NOC3L: variants seen among roughly 807,000 people sequenced by gnomAD.
NOC3L encodes nucleolar complex protein 3 homolog.
A neutral mutation model predicts 102.5 loss-of-function variants in NOC3L; 85 were observed. The ratio of observed to expected loss-of-function variants is 0.83; its 90% CI spans 0.70 to 0.99. The LOEUF is 0.99. NOC3L is among the 50% of genes least tolerant of loss of function. The probability of loss-of-function intolerance (pLI) is 0.00; values close to 1 mark genes in which losing one functional copy is unlikely to be tolerated. For missense variants in NOC3L, 878 were observed against 914.9 expected (o/e 0.96, Z 0.52); for synonymous variants, 303 against 309.4 (o/e 0.98, Z 0.22).
At position 94,362,896 on chromosome 10, in the gene NOC3L, G is replaced by C. The variant is rs2054568103; in HGVS notation, c.-58C>G. 3 of 1,613,636 alleles carry C rather than the reference G, an allele frequency of 1.9e-6. No homozygotes were observed. Among genetic ancestry groups the C allele is most frequent in the Admixed American group, 1.7e-5 (1 of 60,010 alleles). ...GTTCACCAGAAGCAGGGTTACTACA[G>C]AAATCCCGGGGAATGACACACGTGC... On this transcript the variant is annotated 5_prime_UTR_variant, in exon 1 of 21. Transcript: ENST00000371361.
Position 94,344,441 on chromosome 10 carries a change from C to CA in NOC3L, c.1544dup (p.Pro516AlafsTer20). ...TGGCAAGACCTTCTAGAACTGCTGG[C>CA]AGGAGAGGTGACCTCTGGGCCTTCT... On this transcript the variant is annotated frameshift_variant, in exon 13 of 21. Transcript: ENST00000371361. LOFTEE classifies it high-confidence loss of function. The CA allele has an allele frequency of 6.2e-7, 1 of 1,613,260 alleles. No individual in the cohort carries two copies. Among genetic ancestry groups the CA allele is most frequent in the Non-Finnish European group, 8.5e-7 (1 of 1,179,296 alleles).
chr10:94,343,609 G>A (rs1337008596), intron 13 of NOC3L, among the ~76,000 whole-genome samples: 1 of 152,128 alleles, frequency 6.6e-6, no homozygotes, highest in African/African-American at 2.4e-5. Context: ...TCCTAAAGTT[G>A]TACTGCCCAA....
At position 94,358,229 on chromosome 10, in the gene NOC3L, A is replaced by C. The variant is rs779198894; in HGVS notation, c.218-14T>G. 8.1e-7 allele frequency: 1 copy of C among 1,238,068 alleles called. No individual in the cohort carries two copies. 76.7% of individuals were successfully genotyped at this position (1,238,068 alleles called of 1,614,324 possible). ...CAATCCTTTTACCTGTACCACACAC[A>C]CACACACACAAAGAAAAATTAGAAA... On this transcript the variant is annotated splice_polypyrimidine_tract_variant and intron_variant, in intron 2 of 20. Transcript: ENST00000371361.
In NOC3L at chr10:94,339,770, C is replaced by T; in HGVS notation, c.1931G>A (p.Gly644Asp). 6.2e-7 allele frequency: 1 copy of T among 1,613,858 alleles called. No homozygotes were observed. The highest frequency in any genetic ancestry group is 1.3e-5 in the African/African-American group (1 of 74,988). The change falls in exon 17 of 21, where the codon GGC becomes GAC. Residue 644 changes from glycine (G) to aspartate (D), a missense_variant. Coordinates refer to ENST00000371361, the MANE Select transcript of NOC3L (RefSeq NM_022451.11). ...TAATATTCTGGTAGTTGCTAAAATG[C>T]CAATACTTGAATTTGGAAGAACATG... The part of the protein sequence containing the change: ...ALHVLPNSSI[G>D]ILATTRILMH...
chr10:94,338,786 T>C, intron 17 of NOC3L, 50 bp from the exon 18 acceptor site: 2 of 1,540,668 alleles, frequency 1.3e-6, no homozygotes, highest in African/African-American at 2.7e-5. Context: ...ATTGTTAATA[T>C]AAGAGGTGTT....
intron 5 of NOC3L, 27 bp from the exon 6 acceptor site, chr10:94,355,120 A>C: frequency 1.3e-6 from 2 of 1,586,932 alleles, no homozygotes; most frequent in Non-Finnish European, 1.7e-6. Flanking sequence ...GTTCCCTTAC[A>C]TATTCCTCTG....
intron 17 of NOC3L, 57 bp from the exon 18 acceptor site, chr10:94,338,793 T>A (rs1391669258): frequency 6.7e-7 from 1 of 1,492,748 alleles, no homozygotes; most frequent in African/African-American, 1.4e-5. Flanking sequence ...ATATAAGAGG[T>A]GTTACTGGTT....
the NOC3L span, among the ~76,000 whole-genome samples, chr10:94,321,442 G>T: frequency 2.0e-4 from 30 of 152,240 alleles, 1 homozygote; most frequent in East Asian, 5.2e-3. Flanking sequence ...GACCAGCCTG[G>T]CCAGCATGGC....
chr10:94,336,955 G>C (rs1358372829), intron 19 of NOC3L, among the ~76,000 whole-genome samples: 1 of 151,416 alleles, frequency 6.6e-6, no homozygotes, highest in Non-Finnish European at 1.5e-5. Flanking sequence ...TGTAATCCCA[G>C]CTACTCGGGA....
At chr10:94,334,767 C>T in intron 19 of NOC3L, 49 bp from the exon 20 acceptor site, 1 of 1,249,054 alleles carries the variant, frequency 8.0e-7, no homozygotes, top group South Asian at 1.2e-5. Context: ...ATCTGTGTAA[C>T]TCAAAAATAA....
intron 14 of NOC3L, among the ~76,000 whole-genome samples, chr10:94,341,194 T>C (rs904872676): frequency 2.0e-5 from 3 of 151,474 alleles, no homozygotes; most frequent in Non-Finnish European, 4.4e-5. Flanking sequence ...AAAAGACCTA[T>C]AAAGGTTATC....
chr10:94,334,145 A>T lies in NOC3L; in HGVS notation c.*32T>A. On this transcript the variant is annotated 3_prime_UTR_variant, in exon 21 of 21. Coordinates refer to ENST00000371361, the MANE Select transcript of NOC3L (RefSeq NM_022451.11). Reference sequence around the variant, plus strand: ...TTTATGTACATCTGCACACACAAATATACAAGAAAGTCCACTGACTTCATT... The same window carrying T: ...TTTATGTACATCTGCACACACAAATTTACAAGAAAGTCCACTGACTTCATT... 1 of 978,260 alleles carries T rather than the reference A, an allele frequency of 1.0e-6. No individual in the cohort carries two copies. Among genetic ancestry groups the T allele is most frequent in the Non-Finnish European group, 1.6e-6 (1 of 615,524 alleles). The allele number at this position is 978,260 out of a possible 1,614,324, so 60.6% of individuals were successfully genotyped here.
rs2054343793 is a variant in NOC3L at position 94,346,411 on chromosome 10, G to A, written c.1389+14C>T. On this transcript the variant is annotated intron_variant, in intron 11 of 20. Transcript: ENST00000371361. ...AGAAAATTTAAATGAAACAAAAGGG[G>A]AAATAAGTCAAACCTTTCTCTGCAT... 6.8e-7 allele frequency: 1 copy of A among 1,461,082 alleles called. No homozygotes were observed. The highest frequency in any genetic ancestry group is 9.1e-7 in the Non-Finnish European group (1 of 1,099,136). 90.5% of individuals were successfully genotyped at this position (1,461,082 alleles called of 1,614,324 possible). A position where few individuals can be genotyped will look rare whatever the true frequency, so the allele number is the denominator to read the frequency against.
chr10:94,338,755 A>G lies in NOC3L; in HGVS notation c.1963-19T>C. On this transcript the variant is annotated intron_variant, in intron 17 of 20. Coordinates refer to ENST00000371361, the MANE Select transcript of NOC3L (RefSeq NM_022451.11). ...GGAAAGTCTGCAAAAATGTCACATAAAAAGAATTGGTTAAATTAACATTGT... is the reference window on the plus strand; with the variant it reads ...GGAAAGTCTGCAAAAATGTCACATAGAAAGAATTGGTTAAATTAACATTGT... 1 of 1,606,056 alleles carries G rather than the reference A, an allele frequency of 6.2e-7. No individual in the cohort carries two copies.
intron 14 of NOC3L, 80 bp from the exon 15 acceptor site, chr10:94,340,576 T>A (rs2054271411): frequency 8.1e-7 from 1 of 1,237,518 alleles, no homozygotes; most frequent in African/African-American, 1.5e-5. Flanking sequence ...AAAAAGAACT[T>A]TAAGGCCAGG....
At chr10:94,356,255 TA>T (rs1352242495) in intron 5 of NOC3L, among the ~76,000 whole-genome samples, 2 of 152,198 alleles carry the variant, frequency 1.3e-5, no homozygotes, top group East Asian at 1.9e-4. Context: ...CTCTTACAAT[TA>T]AAAGGAATTC....
chr10:94,325,662 T>C, the NOC3L span: 1 of 152,118 alleles, frequency 6.6e-6, no homozygotes, highest in Non-Finnish European at 1.5e-5. Context: ...TTAGACCCCT[T>C]ATTTATTTTG....
the NOC3L span, chr10:94,315,219 T>C: frequency 3.0e-6 from 1 of 332,662 alleles, no homozygotes; most frequent in South Asian, 2.5e-5. Context: ...GATTTCAGTC[T>C]TCCTGAGAAC....
rs200635284 is a variant in NOC3L, at chr10:94,361,786, C to G, written c.96G>C (p.Gln32His). 8 of 1,609,396 alleles carry G rather than the reference C, an allele frequency of 5.0e-6. No homozygotes were observed. Among genetic ancestry groups the G allele is most frequent in the Non-Finnish European group, 5.9e-6 (7 of 1,177,106 alleles). Residue 32 changes from glutamine (Q) to histidine (H), a missense_variant, in exon 2 of 21, where the codon CAG (glutamine) becomes CAC (histidine). Coordinates refer to ENST00000371361, the MANE Select transcript of NOC3L (RefSeq NM_022451.11). ...VKLENKLKNKQFKQQSTLKKY... is the reference protein window; with the variant it reads ...VKLENKLKNKHFKQQSTLKKY... ...TCTTGAGAGTGCTTTGTTGTTTAAACTGCTTATTTTTTAGCTTGTTTTCAA... is the reference window on the plus strand; with the variant it reads ...TCTTGAGAGTGCTTTGTTGTTTAAAGTGCTTATTTTTTAGCTTGTTTTCAA...
Sources: allele counts gnomAD v4.1 joint callset (sites outside exome capture counted in the v4.1 genomes callset), GRCh38; gene constraint gnomAD v4.1.1; transcripts MANE v1.5; gene names NCBI Gene and HGNC (gene_info 2026-07-23, HGNC 2026-07-21).